NRAP: variants seen among roughly 807,000 people sequenced by gnomAD.
The protein encoded by NRAP is nebulin related anchoring protein, also known as nebulin-related-anchoring protein.
A neutral mutation model predicts 225.9 loss-of-function variants in NRAP; 189 were observed. That is an observed-to-expected ratio of 0.84 (90% confidence interval 0.74 to 0.94). The LOEUF is 0.94. NRAP is among the 40% of genes least tolerant of loss of function. NRAP has a pLI of 0.00. For synonymous variants in NRAP, 769 were observed against 790.7 expected (o/e 0.97, Z 0.46); for missense variants, 2,176 against 2,168.7 (o/e 1.00, Z -0.07).
Position 113,597,167 on chromosome 10 carries a change from T to G in NRAP, c.4350A>C (p.Lys1450Asn), listed in dbSNP as rs1846330642. The G allele has an allele frequency of 6.2e-7, 1 of 1,609,834 alleles. No individual in the cohort carries two copies. The highest frequency in any genetic ancestry group is 1.1e-5 in the South Asian group (1 of 91,008). Reference sequence around the variant, plus strand: ...CTGTGGTGAACTTGATACTGTCTGGTTTTTTACGGTACTTGGTCTATAAGA... The same window carrying G: ...CTGTGGTGAACTTGATACTGTCTGGGTTTTTACGGTACTTGGTCTATAAGA... Reference protein sequence around the residue: ...ELISETKYRKKPDSIKFTTVV... With the variant: ...ELISETKYRKNPDSIKFTTVV... Residue 1450 changes from lysine (K) to asparagine (N), a missense_variant, in exon 37 of 42, where the codon AAA (lysine) becomes AAC (asparagine). Coordinates refer to ENST00000359988, the MANE Select transcript of NRAP (RefSeq NM_198060.4).
At chr10:113,643,669 T>C (rs925036249) in intron 11 of NRAP, among the ~76,000 whole-genome samples, 2 of 152,300 alleles carry the variant, frequency 1.3e-5, no homozygotes, top group African/African-American at 4.8e-5. Flanking sequence ...TTAAATAGAC[T>C]CCAAGTCATC....
chr10:113,623,496 G>T (rs760075691), intron 23 of NRAP, 33 bp downstream of exon 23: 6 of 1,402,988 alleles, frequency 4.3e-6, no homozygotes, highest in Non-Finnish European at 5.0e-6. Flanking sequence ...GCAGGATTCT[G>T]CGGTCTCTTG....
chr10:113,608,856 G>A (rs1393753286), intron 31 of NRAP, among the ~76,000 whole-genome samples: 1 of 152,140 alleles, frequency 6.6e-6, no homozygotes, highest in African/African-American at 2.4e-5. Context: ...ATCACAAACT[G>A]CAGCTTTAAA....
chr10:113,595,232 C>G (rs1347328596), intron 38 of NRAP, among the ~76,000 whole-genome samples: 1 of 152,174 alleles, frequency 6.6e-6, no homozygotes, highest in Non-Finnish European at 1.5e-5. Context: ...GCCACTCTAT[C>G]TCCAGTGACA....
At chr10:113,610,075 C>T (rs949786561) in intron 31 of NRAP, among the ~76,000 whole-genome samples, 7 of 151,962 alleles carry the variant, frequency 4.6e-5, no homozygotes, top group African/African-American at 1.2e-4. Flanking sequence ...ATTGGCTGGG[C>T]GCAGTGGCTC....
Position 113,634,309 on chromosome 10 carries a change from G to A in NRAP, c.1429-99C>T, listed in dbSNP as rs528370440. Reference sequence around the variant, plus strand: ...CCAATAAAGTGGCAATTCTCAAATGGCTACGTAGAAAAAGAGTCCAATATT... The same window carrying A: ...CCAATAAAGTGGCAATTCTCAAATGACTACGTAGAAAAAGAGTCCAATATT... On this transcript the variant is annotated intron_variant, in intron 14 of 41. Transcript: ENST00000359988. 27 of 813,874 alleles carry A rather than the reference G, an allele frequency of 3.3e-5. No individual in the cohort carries two copies. In the African/African-American group the frequency reaches 4.2e-4, roughly 13 times the overall value. The allele number at this position is 813,874 out of a possible 1,614,324, so 50.4% of individuals were successfully genotyped here.
chr10:113,650,175 T>G, intron 8 of NRAP, 34 bp from the exon 9 acceptor site: 1 of 1,345,016 alleles, frequency 7.4e-7, no homozygotes, highest in East Asian at 2.3e-5. Flanking sequence ...TCGGTGAATT[T>G]GACTCCCATG....
intron 25 of NRAP, 51 bp downstream of exon 25, chr10:113,620,553 G>T: frequency 8.7e-7 from 1 of 1,144,022 alleles, no homozygotes; most frequent in Non-Finnish European, 1.3e-6. Flanking sequence ...ATACAGAGAC[G>T]CCGCACGCCT....
At chr10:113,632,045 G>A in intron 16 of NRAP, 81 bp from the exon 17 acceptor site, 1 of 870,942 alleles carries the variant, frequency 1.1e-6, no homozygotes, top group Non-Finnish European at 1.9e-6. Context: ...AAGCAAAGTT[G>A]GATTTTTCCT....
chr10:113,620,960 G>A (rs550480557), intron 24 of NRAP, among the ~76,000 whole-genome samples: 27 of 152,270 alleles, frequency 1.8e-4, no homozygotes, highest in Non-Finnish European at 3.2e-4. Flanking sequence ...ACGCAGGAGG[G>A]GCCAAACCAA....
In NRAP at chr10:113,622,121, T is replaced by G. The variant is rs368363365; in HGVS notation, c.2517A>C (p.Val839=). The G allele has an allele frequency of 4.3e-6, 7 of 1,613,916 alleles. No individual in the cohort carries two copies. In the South Asian group the frequency reaches 6.6e-5, roughly 15 times the overall value. ...AGTGGCTCATTTGCGAATCTCCCTG[T>G]ACATCTTTTGCCCCAATGAGCTTCC... ...SRGKLIGAKD[V]QGDSQMSHSL... The change falls in exon 24 of 42, where the codon GTA becomes GTC. Residue 839 remains valine, a synonymous_variant. Transcript: ENST00000359988.
intron 11 of NRAP, among the ~76,000 whole-genome samples, 174 bp downstream of exon 11, chr10:113,645,651 A>T (rs1319701252): frequency 6.6e-6 from 1 of 152,204 alleles, no homozygotes; most frequent in East Asian, 1.9e-4. Context: ...TCCCAACCTC[A>T]GGTGATCTGC....
intron 16 of NRAP, 45 bp from the exon 17 acceptor site, chr10:113,632,009 C>CA: frequency 8.3e-7 from 1 of 1,205,878 alleles, no homozygotes; most frequent in Non-Finnish European, 1.2e-6. Context: ...TACCCATATT[C>CA]CTGCCAAACG....
At chr10:113,660,414 C>T (rs1362926527) in intron 3 of NRAP, among the ~76,000 whole-genome samples, 8 of 152,110 alleles carry the variant, frequency 5.3e-5, no homozygotes. Flanking sequence ...TACGCTGTCA[C>T]ATAGACGCAA....
At chr10:113,615,382 T>G (rs1406276663) in intron 27 of NRAP, among the ~76,000 whole-genome samples, 2 of 152,176 alleles carry the variant, frequency 1.3e-5, no homozygotes, top group East Asian at 3.9e-4. Context: ...AGTCTTCCCT[T>G]GGTATAGCCA....
At chr10:113,650,319 A>T in intron 8 of NRAP, 119 bp downstream of exon 8, 1 of 842,444 alleles carries the variant, frequency 1.2e-6, no homozygotes, top group Non-Finnish European at 2.0e-6. Flanking sequence ...AAAACTATAA[A>T]GGAAAACTAC....
chr10:113,614,138 T>C, intron 29 of NRAP, 45 bp downstream of exon 29: 1 of 1,278,960 alleles, frequency 7.8e-7, no homozygotes, highest in Non-Finnish European at 1.1e-6. Context: ...GTGAGCGTTG[T>C]CAGGTGGGGG....
chr10:113,655,145 T>C (rs996173337), intron 4 of NRAP, among the ~76,000 whole-genome samples: 1 of 152,220 alleles, frequency 6.6e-6, no homozygotes, highest in Non-Finnish European at 1.5e-5. Flanking sequence ...AAGATGCAGA[T>C]TGTCCAAACA....
intron 9 of NRAP, among the ~76,000 whole-genome samples, chr10:113,648,337 A>T (rs879287521): frequency 2.0e-5 from 3 of 152,048 alleles, no homozygotes; most frequent in Non-Finnish European, 4.4e-5. Context: ...AAGTAAAAAA[A>T]GGTTAAGTTT....
Sources: allele counts gnomAD v4.1 joint callset (sites outside exome capture counted in the v4.1 genomes callset), GRCh38; gene constraint gnomAD v4.1.1; transcripts MANE v1.5; gene names NCBI Gene and HGNC (gene_info 2026-07-23, HGNC 2026-07-21).